The following TMEM132B variants were observed in gnomAD, a reference collection of about 807,000 sequenced individuals.
TMEM132B encodes the protein transmembrane protein 132B.
In TMEM132B, 18 loss-of-function variants were observed where a neutral mutation model predicts 90.8. The ratio of observed to expected loss-of-function variants is 0.20; its 90% confidence interval spans 0.14 to 0.29. The LOEUF (loss-of-function observed/expected upper bound fraction) is 0.29. Ranked by LOEUF, TMEM132B falls within the 10% of genes least tolerant of loss-of-function variation. The probability of loss-of-function intolerance (pLI) is 1.00; values close to 1 mark genes in which losing one functional copy is unlikely to be tolerated. For synonymous variants in TMEM132B, 504 were observed against 523.3 expected, an observed-to-expected ratio of 0.96 and a Z score of 0.50; for missense variants, 1,096 against 1,326.8, an observed-to-expected ratio of 0.83 and a Z score of 2.70.
chr12:125,253,283 C>T (rs1413097814), intron 1 of TMEM132B, among the ~76,000 whole-genome samples: 1 of 152,172 alleles, frequency 6.6e-6, no homozygotes, highest in African/African-American at 2.4e-5. Context: ...ATGTGCCAGG[C>T]ACTGCGTTAA....
intron 3 of TMEM132B, among the ~76,000 whole-genome samples, chr12:125,446,667 A>G (rs1881013172): frequency 1.3e-5 from 2 of 152,214 alleles, no homozygotes; most frequent in African/African-American, 4.8e-5. Flanking sequence ...TCTCCTACAT[A>G]GTAGGCACTC....
At chr12:125,300,521 C>T (rs533989408) in intron 1 of TMEM132B, among the ~76,000 whole-genome samples, 4 of 152,262 alleles carry the variant, frequency 2.6e-5, no homozygotes, top group South Asian at 2.1e-4. Context: ...TGCAACCCTG[C>T]GCCCAGCCCT....
chr12:125,609,776 C>T (rs1358229186), intron 5 of TMEM132B, among the ~76,000 whole-genome samples: 43 of 132,832 alleles, frequency 3.2e-4, no homozygotes, highest in Admixed American at 1.3e-3. Context: ...GAGATTGCGC[C>T]ACTGCACTCC....
chr12:125,208,986 C>T (rs957544459), intron 1 of TMEM132B, among the ~76,000 whole-genome samples: 1 of 152,108 alleles, frequency 6.6e-6, no homozygotes, highest in African/African-American at 2.4e-5. Context: ...CTGAGTGCTG[C>T]GTCCCCTCTG....
At chr12:125,558,846 C>A (rs553082530) in intron 4 of TMEM132B, among the ~76,000 whole-genome samples, 1 of 152,148 alleles carries the variant, frequency 6.6e-6, no homozygotes, top group South Asian at 2.1e-4. Flanking sequence ...AGGCAAAGGG[C>A]AAATGAACTT....
At chr12:125,629,203 G>T (rs1886301356) in intron 5 of TMEM132B, among the ~76,000 whole-genome samples, 1 of 151,772 alleles carries the variant, frequency 6.6e-6, no homozygotes, top group African/African-American at 2.4e-5. Flanking sequence ...TTGGTATTTT[G>T]ATAGGGATTG....
chr12:125,412,524 C>T (rs1879878800), intron 2 of TMEM132B, among the ~76,000 whole-genome samples: 1 of 152,162 alleles, frequency 6.6e-6, no homozygotes, highest in Admixed American at 6.5e-5. Context: ...CGAATCCTGG[C>T]TCTGCCAGAA....
chr12:125,401,201 T>TAGATAA (rs1306993168), intron 2 of TMEM132B, among the ~76,000 whole-genome samples: 1 of 152,182 alleles, frequency 6.6e-6, no homozygotes, highest in Non-Finnish European at 1.5e-5. Context: ...GATGACACCT[T>TAGATAA]AGATAAAGAC....
At chr12:125,563,012 GGAA>G (rs1362400068) in intron 4 of TMEM132B, among the ~76,000 whole-genome samples, 1 of 151,870 alleles carries the variant, frequency 6.6e-6, no homozygotes, top group Non-Finnish European at 1.5e-5. Flanking sequence ...GAGAGACAGG[GGAA>G]TGGCTGGTCA....
intron 5 of TMEM132B, among the ~76,000 whole-genome samples, chr12:125,618,144 T>C (rs369541997): frequency 1.7e-4 from 26 of 152,258 alleles, no homozygotes; most frequent in African/African-American, 6.3e-4. Context: ...GGGTGACATC[T>C]TTATTTTAAA....
chr12:125,358,191 T>C (rs1049115789), intron 2 of TMEM132B, among the ~76,000 whole-genome samples: 3 of 152,238 alleles, frequency 2.0e-5, no homozygotes, highest in African/African-American at 7.2e-5. Flanking sequence ...ATACACACAA[T>C]TGAAACCCAT....
At chr12:125,502,896 CT>C (rs1404413328) in intron 3 of TMEM132B, among the ~76,000 whole-genome samples, 1 of 152,052 alleles carries the variant, frequency 6.6e-6, no homozygotes, top group Non-Finnish European at 1.5e-5. Context: ...ATGGACAACT[CT>C]GTGGCTCCAA....
intron 4 of TMEM132B, among the ~76,000 whole-genome samples, chr12:125,550,673 G>A (rs77261048): frequency 0.044 from 6,744 of 152,232 alleles, 259 homozygotes; most frequent in African/African-American, 0.091. Context: ...AGGGTATTAA[G>A]TGTATCTAAG....
At chr12:125,396,407 C>T (rs1338251927) in intron 2 of TMEM132B, among the ~76,000 whole-genome samples, 1 of 152,236 alleles carries the variant, frequency 6.6e-6, no homozygotes, top group Non-Finnish European at 1.5e-5. Context: ...ATCGTGAACA[C>T]TGTATAGTAC....
chr12:125,298,125 G>A (rs187457218), intron 1 of TMEM132B, among the ~76,000 whole-genome samples: 4 of 152,240 alleles, frequency 2.6e-5, no homozygotes, highest in Non-Finnish European at 4.4e-5. Context: ...GCAAGGTGGC[G>A]CGAGCCTGTG....
At chr12:125,640,802 G>A (rs75697654) in intron 5 of TMEM132B, among the ~76,000 whole-genome samples, 1,890 of 152,246 alleles carry the variant, frequency 0.012, 58 homozygotes, top group African/African-American at 0.043. Context: ...TGCATTGAAA[G>A]GAGAGTGTTG....
intron 1 of TMEM132B, among the ~76,000 whole-genome samples, chr12:125,238,727 G>A (rs568918167): frequency 9.0e-5 from 13 of 144,328 alleles, no homozygotes; most frequent in East Asian, 7.7e-4. Context: ...CACATGGGAC[G>A]TTTTACAGAC....
intron 3 of TMEM132B, among the ~76,000 whole-genome samples, chr12:125,454,590 G>A (rs945529959): frequency 5.3e-5 from 8 of 152,156 alleles, no homozygotes; most frequent in Admixed American, 4.6e-4. Context: ...CTTGCTTAGC[G>A]CTCAAAAGAG....
intron 3 of TMEM132B, among the ~76,000 whole-genome samples, chr12:125,499,026 A>G (rs189606748): frequency 6.6e-6 from 1 of 152,308 alleles, no homozygotes; most frequent in East Asian, 1.9e-4. Flanking sequence ...AATTGAGCCA[A>G]TTCATCTGGG....
Sources: allele counts gnomAD v4.1 joint callset (sites outside exome capture counted in the v4.1 genomes callset), GRCh38; gene constraint gnomAD v4.1.1; transcripts MANE v1.5; gene names NCBI Gene and HGNC (gene_info 2026-07-23, HGNC 2026-07-21).